The following TEX11 variants were observed in gnomAD, a reference collection of about 807,000 sequenced individuals.
TEX11 encodes testis expressed 11, also known as testis-expressed protein 11.
In TEX11, 7 loss-of-function variants were observed where a neutral mutation model predicts 84.4. That is an observed-to-expected ratio of 0.08 (90% CI 0.05 to 0.16). The LOEUF is 0.16. TEX11 is among the 10% of genes least tolerant of loss of function. The probability of loss-of-function intolerance (pLI) is 1.00; values close to 1 mark genes in which losing one functional copy is unlikely to be tolerated. For missense variants in TEX11, 551 were observed against 660.5 expected (o/e 0.83, Z 1.82); for synonymous variants, 264 against 222.8 (o/e 1.18, Z -1.64).
intron 7 of TEX11, among the ~76,000 whole-genome samples, chrX:70,841,769 T>A (rs1322882805): frequency 4.7e-4 from 51 of 108,618 alleles, no homozygotes; most frequent in East Asian, 2.6e-3. Flanking sequence ...GAAGAATCAA[T>A]TAGACGCAAT....
intron 11 of TEX11, among the ~76,000 whole-genome samples, chrX:70,727,592 C>A (rs2090609098): frequency 9.0e-6 from 1 of 111,477 alleles, no homozygotes; most frequent in Non-Finnish European, 1.9e-5. Context: ...TTGCTATGGA[C>A]CGAATGTTTG....
At chrX:70,626,976 G>A (rs2089457262) in intron 18 of TEX11, among the ~76,000 whole-genome samples, 1 of 112,168 alleles carries the variant, frequency 8.9e-6, no homozygotes, top group Non-Finnish European at 1.9e-5. Flanking sequence ...ATAAAAATAA[G>A]GATAATGTGG....
intron 8 of TEX11, among the ~76,000 whole-genome samples, chrX:70,808,735 T>G (rs1341164873): frequency 9.1e-6 from 1 of 109,327 alleles, no homozygotes; most frequent in East Asian, 2.8e-4. Flanking sequence ...TTAAAAAAAG[T>G]AAAAGAAAAT....
chrX:70,746,186 T>C (rs539790350), intron 9 of TEX11, among the ~76,000 whole-genome samples: 3 of 111,329 alleles, frequency 2.7e-5, no homozygotes, highest in Non-Finnish European at 3.8e-5. Flanking sequence ...GCCAAGAAGA[T>C]AGGAATTCCC....
intron 25 of TEX11, among the ~76,000 whole-genome samples, chrX:70,574,928 C>T (rs779970863): frequency 9.0e-6 from 1 of 110,936 alleles, no homozygotes; most frequent in South Asian, 3.9e-4. Context: ...GGCCCAGAAG[C>T]AGGGAAGTAC....
chrX:70,568,181 A>G (rs2088522926), intron 25 of TEX11, among the ~76,000 whole-genome samples: 2 of 110,643 alleles, frequency 1.8e-5, no homozygotes, highest in Non-Finnish European at 3.8e-5. Flanking sequence ...GTCTCTTTTG[A>G]TCTTTGTTGG....
intron 4 of TEX11, among the ~76,000 whole-genome samples, chrX:70,864,733 T>G (rs1412220075): frequency 1.1e-5 from 1 of 89,363 alleles, no homozygotes; most frequent in African/African-American, 4.3e-5. Context: ...CAGAGCGAGA[T>G]GCCATCTCAA....
chrX:70,734,848 A>G (rs952777533), intron 11 of TEX11, among the ~76,000 whole-genome samples: 6 of 111,444 alleles, frequency 5.4e-5, no homozygotes, highest in African/African-American at 2.0e-4. Flanking sequence ...AACCTGACAA[A>G]GGGCATCTAT....
At chrX:70,537,254 G>C (rs2087971902) in intron 28 of TEX11, among the ~76,000 whole-genome samples, 1 of 111,218 alleles carries the variant, frequency 9.0e-6, no homozygotes, top group Non-Finnish European at 1.9e-5. Context: ...GATTAGAAAA[G>C]GTTTGAAGCA....
At chrX:70,679,962 G>A (rs371539904) in intron 14 of TEX11, among the ~76,000 whole-genome samples, 867 of 70,796 alleles carry the variant, frequency 0.012, 9 homozygotes, top group Middle Eastern at 0.014. Flanking sequence ...GAGGTGGGGG[G>A]GGTCAGCCCC....
rs192473190 is a variant in TEX11 at position 70,729,346 on chromosome X, C to T, written c.844-4003G>A. Reference sequence around the variant, plus strand: ...TGACGAGTTGAGAGAAGGCTTCAGACGATTAAACTACGCCAAGCTAAAGGA... The same window carrying T: ...TGACGAGTTGAGAGAAGGCTTCAGATGATTAAACTACGCCAAGCTAAAGGA... On this transcript the variant is annotated intron_variant, in intron 11 of 29. Coordinates refer to ENST00000374333, the MANE Select transcript of TEX11 (RefSeq NM_031276.3). Among the ~76,000 whole-genome samples, 295 of 111,552 alleles carry T rather than the reference C, an allele frequency of 2.6e-3. 1 individual carries two copies. Among genetic ancestry groups the T allele is most frequent in the Non-Finnish European group, 4.5e-3 (237 of 53,064 alleles).
intron 4 of TEX11, among the ~76,000 whole-genome samples, chrX:70,871,565 C>T (rs2091629584): frequency 8.9e-6 from 1 of 111,957 alleles, no homozygotes; most frequent in Non-Finnish European, 1.9e-5. Flanking sequence ...AAATATATTC[C>T]AATAAACATA....
At chrX:70,564,651 A>G (rs1319413749) in intron 25 of TEX11, among the ~76,000 whole-genome samples, 1 of 103,387 alleles carries the variant, frequency 9.7e-6, no homozygotes, top group Non-Finnish European at 2.0e-5. Context: ...GAGAACATAC[A>G]GTGTTTGGTT....
chrX:70,515,065 T>TCTCA, the TEX11 span, among the ~76,000 whole-genome samples: 1 of 87,619 alleles, frequency 1.1e-5, no homozygotes. Flanking sequence ...TGAAACTCGG[T>TCTCA]CACACACACA....
chrX:70,774,755 G>A (rs980328457), intron 9 of TEX11, among the ~76,000 whole-genome samples: 1 of 111,331 alleles, frequency 9.0e-6, no homozygotes, highest in African/African-American at 3.3e-5. Flanking sequence ...TCAGAAGAGT[G>A]TATATTATTA....
At chrX:70,819,116 C>G (rs757125782) in intron 8 of TEX11, among the ~76,000 whole-genome samples, 10 of 111,121 alleles carry the variant, frequency 9.0e-5, no homozygotes, top group Non-Finnish European at 1.7e-4. Flanking sequence ...ACTCTGATAC[C>G]AAAGCAAGAC....
chrX:70,597,080 C>T (rs1174461206), intron 24 of TEX11, among the ~76,000 whole-genome samples: 13 of 111,877 alleles, frequency 1.2e-4, no homozygotes, highest in African/African-American at 3.6e-4. Flanking sequence ...AATACAAAAT[C>T]TGAAGAGACT....
chrX:70,889,506 C>T (rs2147879325), intron 2 of TEX11, among the ~76,000 whole-genome samples: 1 of 110,918 alleles, frequency 9.0e-6, no homozygotes, highest in East Asian at 2.8e-4. Context: ...ATTATTATAA[C>T]ACTGTAACTG....
intron 14 of TEX11, among the ~76,000 whole-genome samples, chrX:70,680,686 A>G (rs2090141352): frequency 9.0e-6 from 1 of 111,695 alleles, no homozygotes; most frequent in African/African-American, 3.3e-5. Flanking sequence ...AAAAATTCAG[A>G]CAGGTTTTCA....
Sources: allele counts gnomAD v4.1 joint callset (sites outside exome capture counted in the v4.1 genomes callset), GRCh38; gene constraint gnomAD v4.1.1; transcripts MANE v1.5; gene names NCBI Gene and HGNC (gene_info 2026-07-23, HGNC 2026-07-21).